Variants in CSNK1G2 observed in about 807,000 individuals in gnomAD.
The protein encoded by CSNK1G2 is casein kinase 1 gamma 2.
In CSNK1G2, 11 loss-of-function variants were observed where a neutral mutation model predicts 48.0. The ratio of observed to expected loss-of-function variants is 0.23; its 90% CI spans 0.14 to 0.38. The LOEUF (loss-of-function observed/expected upper bound fraction) is 0.38. CSNK1G2 is among the 10% of genes least tolerant of loss of function. CSNK1G2 has a pLI of 1.00. For synonymous variants in CSNK1G2, 337 were observed against 254.1 expected (o/e 1.33, Z -3.10); for missense variants, 446 against 595.5 (o/e 0.75, Z 2.61).
At chr19:1,961,841 TC>T (rs1368946720) in intron 1 of CSNK1G2, among the ~76,000 whole-genome samples, 1 of 152,146 alleles carries the variant, frequency 6.6e-6, no homozygotes, top group Non-Finnish European at 1.5e-5. Context: ...GCTCAAGAAA[TC>T]CGCTGGCCGC....
chr19:1,980,330 C>T lies in CSNK1G2; in HGVS notation c.*127C>T, dbSNP rs758169951. 2.5e-6 allele frequency: 3 copies of T among 1,194,494 alleles called. No homozygotes were observed. The highest frequency in any genetic ancestry group is 3.7e-6 in the Non-Finnish European group (3 of 820,458). The allele number at this position is 1,194,494 out of a possible 1,614,324, so 74.0% of individuals were successfully genotyped here. Reference sequence around the variant, plus strand: ...CCCTGGCTGGAAGCCAGAACGCAGACTGCAGGGGCCGCGCCTGGCTCAGGC... The same window carrying T: ...CCCTGGCTGGAAGCCAGAACGCAGATTGCAGGGGCCGCGCCTGGCTCAGGC... On this transcript the variant is annotated 3_prime_UTR_variant, in exon 12 of 12. Coordinates refer to ENST00000255641, the MANE Select transcript of CSNK1G2 (RefSeq NM_001319.7).
chr19:1,946,289 T>TATTATTTATTTA (rs56098852), intron 1 of CSNK1G2, among the ~76,000 whole-genome samples: 74 of 143,874 alleles, frequency 5.1e-4, no homozygotes, highest in East Asian at 8.1e-4. Context: ...TTTATTTATT[T>TATTATTTATTTA]TTTATTTATT....
chr19:1,953,097 G>T (rs954150496), intron 1 of CSNK1G2: 2 of 399,972 alleles, frequency 5.0e-6, no homozygotes, highest in East Asian at 8.2e-5. Flanking sequence ...GGAAGGACCC[G>T]TGTCCTCTCA....
intron 2 of CSNK1G2, chr19:1,975,613 T>G (rs1454960408): frequency 3.0e-6 from 3 of 985,288 alleles, no homozygotes; most frequent in Admixed American, 6.1e-5. Flanking sequence ...ATGAATCCAC[T>G]GTGAATCCCA....
intron 1 of CSNK1G2, chr19:1,953,768 G>A: frequency 2.2e-6 from 1 of 459,254 alleles, no homozygotes; most frequent in Non-Finnish European, 4.5e-6. Context: ...GTGCAGCCTT[G>A]CCCCCTCCCC....
At chr19:1,944,963 C>T (rs996964250) in intron 1 of CSNK1G2, among the ~76,000 whole-genome samples, 1 of 152,246 alleles carries the variant, frequency 6.6e-6, no homozygotes, top group South Asian at 2.1e-4. Flanking sequence ...TCACCACCCA[C>T]ATCAACTTGT....
chr19:1,950,475 G>A (rs1234197925), intron 1 of CSNK1G2, among the ~76,000 whole-genome samples: 1 of 147,060 alleles, frequency 6.8e-6, no homozygotes, highest in Non-Finnish European at 1.5e-5. Flanking sequence ...AGAGAACTCA[G>A]CAGTGTTGGA....
At chr19:1,954,329 A>C in intron 1 of CSNK1G2, 1 of 193,802 alleles carries the variant, frequency 5.2e-6, no homozygotes, top group Non-Finnish European at 1.1e-5. Flanking sequence ...GGGCGCTGCA[A>C]CCCCTCATTT....
intron 2 of CSNK1G2, chr19:1,975,155 C>G (rs1255944803): frequency 2.0e-6 from 2 of 985,368 alleles, no homozygotes; most frequent in South Asian, 4.7e-5. Context: ...TCAGATGCAT[C>G]AGAGCTTCAA....
At chr19:1,963,326 C>T (rs1030070554) in intron 1 of CSNK1G2, among the ~76,000 whole-genome samples, 8 of 152,106 alleles carry the variant, frequency 5.3e-5, no homozygotes, top group Non-Finnish European at 1.0e-4. Flanking sequence ...ATTCTCCTGC[C>T]TCACCCTCCC....
chr19:1,958,649 T>G (rs1456290337), intron 1 of CSNK1G2, among the ~76,000 whole-genome samples: 3 of 66,886 alleles, frequency 4.5e-5, no homozygotes, highest in African/African-American at 1.9e-4. Context: ...TCCTAGGCAC[T>G]GTCCCCCGTC....
rs761729494 is a variant in CSNK1G2, at chr19:1,979,942, C to T, written c.1118C>T (p.Ala373Val). ...ALNSTNGELN[A>V]DDPTAGHSNA... Reference sequence around the variant, plus strand: ...AACTCCACCAACGGGGAGCTGAATGCGGACGACCCCACGGCCGGCCACTCC... The same window carrying T: ...AACTCCACCAACGGGGAGCTGAATGTGGACGACCCCACGGCCGGCCACTCC... The change falls in exon 11 of 12, where the codon GCG becomes GTG. Residue 373 changes from alanine to valine, a missense_variant. Around this residue, in one of 2 missense-constraint regions of CSNK1G2, gnomAD observed 188 missense variants for 179.6 expected, o/e 1.05. Transcript: ENST00000255641. The T allele has an allele frequency of 5.0e-6, 8 of 1,602,044 alleles. No individual in the cohort carries two copies. The East Asian group carries it at 1.6e-4, about 31-fold the overall frequency.
intron 2 of CSNK1G2, chr19:1,975,535 C>A: frequency 1.0e-6 from 1 of 985,440 alleles, no homozygotes; most frequent in Non-Finnish European, 1.2e-6. Flanking sequence ...CAGCACCAGG[C>A]GGGCACACGC....
At chr19:1,944,197 TC>T (rs1269797593) in intron 1 of CSNK1G2, among the ~76,000 whole-genome samples, 2 of 151,828 alleles carry the variant, frequency 1.3e-5, no homozygotes, top group Non-Finnish European at 2.9e-5. Flanking sequence ...CGGGTCCGCC[TC>T]CCCCATCCCG....
intron 1 of CSNK1G2, among the ~76,000 whole-genome samples, chr19:1,955,291 C>G (rs1373312884): frequency 7.1e-6 from 1 of 140,794 alleles, no homozygotes; most frequent in Non-Finnish European, 1.5e-5. Context: ...TGTCCTCTGA[C>G]TGCCCTCCTG....
At chr19:1,975,684 G>A in intron 2 of CSNK1G2, 1 of 985,072 alleles carries the variant, frequency 1.0e-6, no homozygotes, top group African/African-American at 1.7e-5. Flanking sequence ...AGCTGATTCA[G>A]GGGGCAGTGT....
In CSNK1G2 at chr19:1,957,232, A is replaced by G. The variant is rs570341301; in HGVS notation, c.-265-12276A>G. The stretch of plus-strand genomic sequence containing the variant: ...CCCGAGGGCCACCGTGTCAGGAGGG[A>G]TAGCCTACACGGAGAGCAGGCCAGT... On this transcript the variant is annotated intron_variant, in intron 1 of 11. Coordinates refer to ENST00000255641, the MANE Select transcript of CSNK1G2 (RefSeq NM_001319.7). The surrounding 1 kb of genome is among the most constrained non-coding windows in gnomAD (Gnocchi z 5.4). Among the ~76,000 whole-genome samples, 1 of 152,262 alleles carries G rather than the reference A, an allele frequency of 6.6e-6. No homozygotes were observed. Among genetic ancestry groups the G allele is most frequent in the African/African-American group, 2.4e-5 (1 of 41,548 alleles).
intron 2 of CSNK1G2, among the ~76,000 whole-genome samples, chr19:1,972,143 G>A (rs1441002247): frequency 2.0e-4 from 31 of 152,178 alleles, no homozygotes; most frequent in Admixed American, 6.5e-5. Context: ...TGTGCTTCGC[G>A]GGCAGCCGCA....
Position 1,969,954 on chromosome 19 carries a change from G to A in CSNK1G2, c.182G>A (p.Arg61His), listed in dbSNP as rs1227977016. ...GGCTGCGGCAACTTCGGGGAGCTCC[G>A]CCTAGGTGAGGCCCTGCTCGGTGGT... ...KIGCGNFGEL[R>H]LGKNLYTNEY... Residue 61 changes from arginine (R) to histidine (H), a missense_variant, in exon 2 of 12, where the codon CGC (arginine) becomes CAC (histidine). Around this residue, in one of 2 missense-constraint regions of CSNK1G2, gnomAD observed 258 missense variants for 415.9 expected, o/e 0.62. Transcript: ENST00000255641. 3 of 1,306,922 alleles carry A rather than the reference G, an allele frequency of 2.3e-6. No homozygotes were observed. Among genetic ancestry groups the A allele is most frequent in the Non-Finnish European group, 2.9e-6 (3 of 1,021,758 alleles). 81.0% of individuals were successfully genotyped at this position (1,306,922 alleles called of 1,614,324 possible).
Sources: allele counts gnomAD v4.1 joint callset (sites outside exome capture counted in the v4.1 genomes callset), GRCh38; gene constraint gnomAD v4.1.1; regional missense constraint gnomAD v4.1.1; non-coding constraint Gnocchi (gnomAD v3.1); transcripts MANE v1.5; gene names NCBI Gene and HGNC (gene_info 2026-07-23, HGNC 2026-07-21).